CDH13: variants seen among roughly 807,000 people sequenced by gnomAD.
CDH13 encodes the protein cadherin 13.
CDH13 carries 24 observed loss-of-function variants against 63.8 expected under a neutral mutation model. The observed-to-expected ratio is 0.38, with a 90% CI of 0.27 to 0.53. The LOEUF (loss-of-function observed/expected upper bound fraction) is 0.53, where lower values mean the gene tolerates loss of function less well. Ranked by LOEUF, CDH13 falls within the 20% of genes least tolerant of loss-of-function variation. CDH13 has a pLI of 0.85. For synonymous variants in CDH13, 503 were observed against 355.3 expected, an observed-to-expected ratio of 1.42 and a Z score of -4.67; for missense variants, 1,049 against 903.1, an observed-to-expected ratio of 1.16 and a Z score of -2.07.
At chr16:82,916,949 C>G (rs765574113) in intron 2 of CDH13, among the ~76,000 whole-genome samples, 2 of 152,122 alleles carry the variant, frequency 1.3e-5, no homozygotes, top group Non-Finnish European at 1.5e-5. Flanking sequence ...GTGAAAATAT[C>G]CAAAGCCTTA....
chr16:82,803,353 A>G lies in CDH13; in HGVS notation c.46-55009A>G, dbSNP rs144293914. On this transcript the variant is annotated intron_variant, in intron 1 of 13. Transcript: ENST00000567109. ...TTATTTATTGGGCCTTCTTTATCTC[A>G]GAATTCAGGAAGGGGCAGAGTGTTT... Among the ~76,000 whole-genome samples the G allele has an allele frequency of 5.0e-3, 760 of 152,334 alleles. 13 individuals carry two copies. The highest frequency in any genetic ancestry group is 4.0e-3 in the Non-Finnish European group (274 of 68,024).
At chr16:83,159,938 T>C (rs1374605258) in intron 4 of CDH13, among the ~76,000 whole-genome samples, 2 of 152,048 alleles carry the variant, frequency 1.3e-5, no homozygotes, top group Non-Finnish European at 2.9e-5. Flanking sequence ...TAGCCGGGCA[T>C]GGTGGTGCAT....
At chr16:82,792,192 G>T (rs1264607837) in intron 1 of CDH13, among the ~76,000 whole-genome samples, 1 of 152,092 alleles carries the variant, frequency 6.6e-6, no homozygotes, top group Non-Finnish European at 1.5e-5. Context: ...GATAAGAGAT[G>T]ATTCTACCAC....
chr16:82,976,414 C>T (rs2151378782), intron 2 of CDH13, among the ~76,000 whole-genome samples: 1 of 152,272 alleles, frequency 6.6e-6, no homozygotes, highest in East Asian at 1.9e-4. Context: ...CCTTTTTCTT[C>T]ACTGTGCTGG....
chr16:83,758,161 T>C (rs965159298), intron 11 of CDH13, among the ~76,000 whole-genome samples: 4 of 152,000 alleles, frequency 2.6e-5, no homozygotes, highest in Non-Finnish European at 4.4e-5. Flanking sequence ...TTCCAAATAT[T>C]TAAGAAAGAA....
At chr16:82,746,212 CTG>C (rs1234522449) in intron 1 of CDH13, among the ~76,000 whole-genome samples, 1 of 87,088 alleles carries the variant, frequency 1.1e-5, no homozygotes, top group African/African-American at 3.2e-5. Flanking sequence ...TATAAACACA[CTG>C]TTTATATATA....
chr16:83,445,012 T>G (rs192221442), intron 6 of CDH13, among the ~76,000 whole-genome samples: 28 of 152,294 alleles, frequency 1.8e-4, no homozygotes, highest in African/African-American at 6.5e-4. Flanking sequence ...GGGCTGGGAT[T>G]TTTTTCAAAT....
At position 83,678,407 on chromosome 16, in the gene CDH13, T is replaced by C. The variant is rs1359744429; in HGVS notation, c.1484T>C (p.Val495Ala). The change falls in exon 10 of 14, where the codon GTG (valine) becomes GCG (alanine). Residue 495 changes from valine (V) to alanine (A), a missense_variant. Transcript: ENST00000567109. The stretch of plus-strand genomic sequence containing the variant: ...CAGGAGGACCTCTCTGTGGGCAGCG[T>C]GCTGCTGACAGTGAATGCCACGGAC... ...TRQEDLSVGS[V>A]LLTVNATDPD... 6.2e-7 allele frequency: 1 copy of C among 1,613,990 alleles called. No homozygotes were observed. Among genetic ancestry groups the C allele is most frequent in the Non-Finnish European group, 8.5e-7 (1 of 1,179,888 alleles).
At chr16:83,243,763 G>A (rs1460911840) in intron 5 of CDH13, among the ~76,000 whole-genome samples, 1 of 152,146 alleles carries the variant, frequency 6.6e-6, no homozygotes. Flanking sequence ...GGAGCAAACT[G>A]GAATATGAGG....
intron 8 of CDH13, among the ~76,000 whole-genome samples, chr16:83,632,000 G>C (rs1910818462): frequency 6.6e-6 from 1 of 152,198 alleles, no homozygotes; most frequent in Admixed American, 6.5e-5. Context: ...ATTCCAGCAA[G>C]GAAGCAGGTG....
intron 4 of CDH13, among the ~76,000 whole-genome samples, chr16:83,150,341 A>G (rs1220092517): frequency 6.6e-6 from 1 of 152,064 alleles, no homozygotes; most frequent in Admixed American, 6.6e-5. Flanking sequence ...CTATGCCTAT[A>G]TCTGTGTCTA....
Position 82,867,561 on chromosome 16 carries a change from C to T in CDH13, c.157+9088C>T, listed in dbSNP as rs115332177. Among the ~76,000 whole-genome samples, 1,403 of 152,218 alleles carry T rather than the reference C, an allele frequency of 9.2e-3. 24 individuals carry two copies. The highest frequency in any genetic ancestry group is 0.032 in the African/African-American group (1,325 of 41,532). On this transcript the variant is annotated intron_variant, in intron 2 of 13. Coordinates refer to ENST00000567109, the MANE Select transcript of CDH13 (RefSeq NM_001257.5). ...TTGGTCATGCCACCATGACACTGAC[C>T]TTGGTTAGCAGCCAGGTCCTCCATG...
intron 1 of CDH13, among the ~76,000 whole-genome samples, chr16:82,698,590 G>T (rs974090508): frequency 2.6e-5 from 4 of 152,164 alleles, no homozygotes; most frequent in Admixed American, 2.6e-4. Flanking sequence ...TGTTTTTAGA[G>T]CATTGGAGGA....
chr16:82,767,094 C>T (rs2035085010), intron 1 of CDH13, among the ~76,000 whole-genome samples: 1 of 152,240 alleles, frequency 6.6e-6, no homozygotes, highest in Admixed American at 6.5e-5. Context: ...CCTCTAAATA[C>T]TTCAGCATGC....
In CDH13 at chr16:83,647,242, G is replaced by A. The variant is rs1410207150; in HGVS notation, c.1102-23548G>A. On this transcript the variant is annotated intron_variant, in intron 8 of 13. Coordinates refer to ENST00000567109, the MANE Select transcript of CDH13 (RefSeq NM_001257.5). ...GGAGAATGGCATGAACCCGGGAGGC[G>A]GAGCTTGCAGTGAACCGAGATCATG... Among the ~76,000 whole-genome samples the A allele has an allele frequency of 7.3e-5, 11 of 151,298 alleles. No homozygotes were observed. The East Asian group carries it at 1.6e-3, about 22-fold the overall frequency.
At chr16:83,524,445 CTTTTTTTTTTTTTTTTTTTTT>C (rs150233410) in intron 7 of CDH13, among the ~76,000 whole-genome samples, 2 of 59,278 alleles carry the variant, frequency 3.4e-5, no homozygotes, top group Non-Finnish European at 5.8e-5. Context: ...TTTCTTTTTT[CTTTTTTTTTTTTTTTTTTTTT>C]TTTTGAGATG....
intron 9 of CDH13, among the ~76,000 whole-genome samples, chr16:83,672,485 C>CCTGATCTT (rs1914596071): frequency 8.3e-6 from 1 of 120,140 alleles, no homozygotes; most frequent in African/African-American, 3.2e-5. Flanking sequence ...AGTGCAGTGG[C>CCTGATCTT]CTGATCTTGG....
chr16:82,818,941 C>T (rs1384702582), intron 1 of CDH13, among the ~76,000 whole-genome samples: 1 of 152,218 alleles, frequency 6.6e-6, no homozygotes, highest in East Asian at 1.9e-4. Context: ...TTGCTCCCCT[C>T]TGAGTGCTTT....
chr16:83,367,144 G>A (rs2091273407), intron 6 of CDH13, among the ~76,000 whole-genome samples: 1 of 151,972 alleles, frequency 6.6e-6, no homozygotes, highest in South Asian at 2.1e-4. Context: ...AAAACTCTTT[G>A]GTACTAGACA....
Sources: allele counts gnomAD v4.1 joint callset (sites outside exome capture counted in the v4.1 genomes callset), GRCh38; gene constraint gnomAD v4.1.1; transcripts MANE v1.5; gene names NCBI Gene and HGNC (gene_info 2026-07-23, HGNC 2026-07-21).